Variants in AKAP6 observed in about 807,000 individuals in gnomAD.
AKAP6 encodes A-kinase anchor protein 6.
AKAP6 carries 58 observed loss-of-function variants against 188.5 expected under a neutral mutation model. That is an observed-to-expected ratio of 0.31 (90% CI 0.25 to 0.38). The LOEUF is 0.38. Among genes scored for constraint, AKAP6 ranks in the 10% least tolerant of loss-of-function variants. The pLI is 1.00. For missense variants in AKAP6, 2,710 were observed against 2,740.0 expected, an observed-to-expected ratio of 0.99 and a Z score of 0.24; for synonymous variants, 989 against 998.6, an observed-to-expected ratio of 0.99 and a Z score of 0.18.
intron 2 of AKAP6, among the ~76,000 whole-genome samples, chr14:32,500,951 C>G (rs1360952997): frequency 6.6e-6 from 1 of 152,040 alleles, no homozygotes; most frequent in Non-Finnish European, 1.5e-5. Flanking sequence ...AGGTCAAGCC[C>G]TGAAGTTTCC....
chr14:32,349,339 A>G (rs937981440), intron 1 of AKAP6, among the ~76,000 whole-genome samples: 4 of 80,464 alleles, frequency 5.0e-5, no homozygotes, highest in Non-Finnish European at 1.1e-4. Flanking sequence ...ATCACAAGAG[A>G]TGTTTTCCAC....
At chr14:32,631,402 T>C in intron 7 of AKAP6, among the ~76,000 whole-genome samples, 1 of 152,072 alleles carries the variant, frequency 6.6e-6, no homozygotes, top group East Asian at 1.9e-4. Context: ...CCTGATTGGA[T>C]TTCATGATTG....
intron 12 of AKAP6, among the ~76,000 whole-genome samples, chr14:32,819,177 A>G (rs2034458804): frequency 1.3e-5 from 2 of 152,168 alleles, no homozygotes. Flanking sequence ...AGTGGGAAAG[A>G]TTTCTCTTAG....
intron 2 of AKAP6, among the ~76,000 whole-genome samples, chr14:32,454,618 A>ACTTT (rs1566511907): frequency 2.5e-5 from 2 of 81,004 alleles, no homozygotes; most frequent in Non-Finnish European, 2.1e-5. Flanking sequence ...TGAAAACTTG[A>ACTTT]CCTTCCTTCC....
intron 12 of AKAP6, among the ~76,000 whole-genome samples, chr14:32,784,352 A>G (rs1327782576): frequency 6.6e-6 from 1 of 152,186 alleles, no homozygotes; most frequent in Non-Finnish European, 1.5e-5. Flanking sequence ...TGATTTGTAT[A>G]TACCACAAAT....
At chr14:32,534,713 C>G (rs763582823) in intron 2 of AKAP6, among the ~76,000 whole-genome samples, 1 of 151,924 alleles carries the variant, frequency 6.6e-6, no homozygotes, top group African/African-American at 2.4e-5. Flanking sequence ...GGCCTGTAAT[C>G]CCAGCACTTT....
rs554874690 is a variant in AKAP6, at chr14:32,517,803, C to T, written c.325-17751C>T. On this transcript the variant is annotated intron_variant, in intron 2 of 13. Coordinates refer to ENST00000280979, the MANE Select transcript of AKAP6 (RefSeq NM_004274.5). ...GCTGAACAAAAGGCAACAGAAACTT[C>T]TGCACACTTAAACCTCCCTGTCTGA... is the stretch of plus-strand genomic sequence containing the variant. 3.2e-4 allele frequency among the ~76,000 whole-genome samples: 48 copies of T among 152,364 alleles called. 2 individuals are homozygous for T. The highest frequency in any genetic ancestry group is 1.3e-4 in the Non-Finnish European group (9 of 68,026).
chr14:32,798,123 G>C (rs10146285), intron 12 of AKAP6, among the ~76,000 whole-genome samples: 5 of 151,816 alleles, frequency 3.3e-5, no homozygotes. Context: ...CATGTATGCA[G>C]CCAACAAACA....
At chr14:32,599,752 A>G (rs951949657) in intron 6 of AKAP6, among the ~76,000 whole-genome samples, 9 of 152,202 alleles carry the variant, frequency 5.9e-5, no homozygotes, top group African/African-American at 4.8e-5. Context: ...CTGAGTTTCA[A>G]TTGAAATTAC....
chr14:32,551,324 C>A (rs912627214), intron 4 of AKAP6, among the ~76,000 whole-genome samples: 1 of 152,054 alleles, frequency 6.6e-6, no homozygotes, highest in African/African-American at 2.4e-5. Flanking sequence ...GTAATCCCAG[C>A]ACTTTGGGAG....
intron 9 of AKAP6, among the ~76,000 whole-genome samples, chr14:32,707,894 G>A (rs1242436922): frequency 1.3e-5 from 2 of 152,010 alleles, no homozygotes; most frequent in African/African-American, 2.4e-5. Flanking sequence ...TGGCCAGGTT[G>A]ATATCAGGGA....
At chr14:32,678,079 T>C (rs961721792) in intron 7 of AKAP6, among the ~76,000 whole-genome samples, 1 of 152,220 alleles carries the variant, frequency 6.6e-6, no homozygotes, top group African/African-American at 2.4e-5. Context: ...TTTTGTGATA[T>C]TTACAGAGTC....
At chr14:32,481,654 A>T (rs986041366) in intron 2 of AKAP6, among the ~76,000 whole-genome samples, 26 of 152,148 alleles carry the variant, frequency 1.7e-4, no homozygotes, top group African/African-American at 6.3e-4. Context: ...ATTACCTCCC[A>T]CCGGGTCCCT....
chr14:32,672,328 G>C (rs1045231425), intron 7 of AKAP6, among the ~76,000 whole-genome samples: 2 of 152,158 alleles, frequency 1.3e-5, no homozygotes, highest in Non-Finnish European at 2.9e-5. Context: ...TTTCTAACAT[G>C]ATTAGGCTGC....
intron 1 of AKAP6, among the ~76,000 whole-genome samples, chr14:32,379,209 T>C (rs1322589760): frequency 6.6e-6 from 1 of 152,148 alleles, no homozygotes; most frequent in East Asian, 1.9e-4. Flanking sequence ...TGTGAGCCAC[T>C]GCGCCCAGCC....
At chr14:32,522,317 C>A (rs1461862901) in intron 2 of AKAP6, among the ~76,000 whole-genome samples, 3 of 152,156 alleles carry the variant, frequency 2.0e-5, no homozygotes, top group African/African-American at 7.2e-5. Context: ...GCAATGGCAA[C>A]AAAAGCCAAA....
intron 1 of AKAP6, among the ~76,000 whole-genome samples, chr14:32,338,560 A>G (rs1886791385): frequency 6.6e-6 from 1 of 152,142 alleles, no homozygotes; most frequent in Admixed American, 6.6e-5. Context: ...AATAGGCAGT[A>G]CCATGAGAAT....
intron 2 of AKAP6, among the ~76,000 whole-genome samples, chr14:32,458,255 T>C (rs566228425): frequency 6.6e-6 from 1 of 152,326 alleles, no homozygotes; most frequent in Non-Finnish European, 1.5e-5. Context: ...CTTTAATATA[T>C]GCTCCAATAA....
Position 32,367,971 on chromosome 14 carries a change from T to C in AKAP6, c.-35+38563T>C, listed in dbSNP as rs902201583. On this transcript the variant is annotated intron_variant, in intron 1 of 13. Transcript: ENST00000280979. Reference sequence around the variant, plus strand: ...CAACACATTTATCTTCAGGTAGTTTTGACTGCTAAAAAGCCCAAACTTCTT... The same window carrying C: ...CAACACATTTATCTTCAGGTAGTTTCGACTGCTAAAAAGCCCAAACTTCTT... 2.6e-5 allele frequency among the ~76,000 whole-genome samples: 4 copies of C among 152,352 alleles called. No homozygotes were observed. The South Asian group carries it at 8.3e-4, about 32-fold the overall frequency.
Sources: gnomAD v4.1 joint callset for allele counts (sites outside exome capture counted in the v4.1 genomes callset) on GRCh38, gnomAD v4.1.1 for gene constraint, MANE v1.5 for transcripts, NCBI Gene and HGNC (gene_info 2026-07-23, HGNC 2026-07-21) for gene names.